The following LMNB2 variants were observed in gnomAD, a reference collection of about 807,000 sequenced individuals.
LMNB2 encodes the protein lamin B2.
LMNB2 carries 17 observed loss-of-function variants against 69.3 expected under a neutral mutation model. The ratio of observed to expected loss-of-function variants is 0.25; its 90% CI spans 0.17 to 0.37. The LOEUF (loss-of-function observed/expected upper bound fraction) is 0.37, where lower values mean the gene tolerates loss of function less well. Among genes scored for constraint, LMNB2 ranks in the 10% least tolerant of loss-of-function variants. The pLI is 1.00. For synonymous variants in LMNB2, 397 were observed against 389.3 expected (o/e 1.02, Z -0.23); for missense variants, 789 against 883.6 (o/e 0.89, Z 1.36).
chr19:2,444,741 C>T lies in LMNB2; in HGVS notation c.265-201G>A, dbSNP rs1039246850. ...AGGGAGCCCCCTGTCGGGGAGGGTC[C>T]GGTAACCAGGAGGAAGCCAGGCGAC... On this transcript the variant is annotated intron_variant, in intron 1 of 11. Transcript: ENST00000325327. 3.3e-5 allele frequency among the ~76,000 whole-genome samples: 5 copies of T among 152,210 alleles called. No individual in the cohort carries two copies. In the South Asian group the frequency reaches 6.2e-4, roughly 19 times the overall value.
At chr19:2,450,286 G>A (rs1226933216) in intron 1 of LMNB2, among the ~76,000 whole-genome samples, 8 of 152,092 alleles carry the variant, frequency 5.3e-5, no homozygotes, top group Non-Finnish European at 1.2e-4. Flanking sequence ...GAAACTATCA[G>A]CCTGGAGGAG....
rs370820384 is a variant in LMNB2, at chr19:2,444,458, C to T, written c.347G>A (p.Arg116Gln). The change falls in exon 2 of 12, where the codon CGG (arginine) becomes CAG (glutamine). Residue 116 changes from arginine (R) to glutamine (Q), a missense_variant. Coordinates refer to ENST00000325327, the MANE Select transcript of LMNB2 (RefSeq NM_032737.4). ...CAGCTTCCCAATCTCTATCTGCAGC[C>T]GGGCACGCTCTCGAGCCGTCTCATC... The part of the protein sequence containing the change: ...VLDETARERA[R>Q]LQIEIGKLRA... 22 of 1,613,598 alleles carry T rather than the reference C, an allele frequency of 1.4e-5. No individual in the cohort carries two copies. The highest frequency in any genetic ancestry group is 2.2e-5 in the East Asian group (1 of 44,888).
Position 2,434,098 on chromosome 19 carries a change from GCTTCAGC to G in LMNB2, c.1203_1209del (p.Arg401SerfsTer172). On this transcript the variant is annotated frameshift_variant and splice_region_variant, in exon 8 of 12. Coordinates refer to ENST00000325327, the MANE Select transcript of LMNB2 (RefSeq NM_032737.4). LOFTEE classifies it high-confidence loss of function. ...ACGCGCGAGGATGGGCTGGGGGACA[GCTTCAGC>G]CTGTGGGGAAGGCAAGGAAGGTGGG... The G allele has an allele frequency of 6.3e-7, 1 of 1,585,178 alleles. No individual in the cohort carries two copies.
chr19:2,444,592 A>C (rs559807509), intron 1 of LMNB2, 52 bp from the exon 2 acceptor site: 2 of 1,598,410 alleles, frequency 1.3e-6, no homozygotes, highest in Admixed American at 1.7e-5. Context: ...CCCTTGGACT[A>C]CAGCAGTCAG....
intron 1 of LMNB2, among the ~76,000 whole-genome samples, chr19:2,451,038 C>T (rs562492395): frequency 4.6e-5 from 7 of 152,066 alleles, no homozygotes; most frequent in South Asian, 2.1e-4. Context: ...GTCAGGAGTT[C>T]GAGACCAGCC....
At chr19:2,434,675 C>T (rs1006306253) in intron 6 of LMNB2, 113 bp downstream of exon 6, 3 of 1,509,608 alleles carry the variant, frequency 2.0e-6, no homozygotes, top group Non-Finnish European at 2.7e-6. Flanking sequence ...TCGCTGGGCG[C>T]CCCGAGGGCT....
At chr19:2,435,817 C>CA (rs56781086) in intron 4 of LMNB2, among the ~76,000 whole-genome samples, 13,803 of 132,060 alleles carry the variant, frequency 0.1, 887 homozygotes, top group East Asian at 0.39. Context: ...GACTGCGTCT[C>CA]AAAAAAAAAA....
At chr19:2,452,896 C>CGTCATCCTCGTGGGGGATGG (rs1048226763) in intron 1 of LMNB2, among the ~76,000 whole-genome samples, 1 of 148,174 alleles carries the variant, frequency 6.7e-6, no homozygotes, top group Non-Finnish European at 1.5e-5. Flanking sequence ...ATGGAGGCTG[C>CGTCATCCTCGTGGGGGATGG]GTCATCCTCG....
chr19:2,449,605 C>A (rs1453451868), intron 1 of LMNB2, among the ~76,000 whole-genome samples: 1 of 151,740 alleles, frequency 6.6e-6, no homozygotes, highest in Non-Finnish European at 1.5e-5. Flanking sequence ...CATGGTGAAA[C>A]CCTGTCTCTA....
chr19:2,436,069 G>T (rs1435050372), intron 4 of LMNB2, among the ~76,000 whole-genome samples: 1 of 152,114 alleles, frequency 6.6e-6, no homozygotes. Flanking sequence ...TGGATCATGA[G>T]GTCAGAAGTT....
chr19:2,444,139 CCT>C (rs1453340370), intron 2 of LMNB2, among the ~76,000 whole-genome samples: 9 of 152,320 alleles, frequency 5.9e-5, no homozygotes, highest in African/African-American at 1.4e-4. Context: ...ACCAGGAAGC[CCT>C]CTCTGGGGAG....
At chr19:2,454,193 G>C (rs980628424) in intron 1 of LMNB2, among the ~76,000 whole-genome samples, 2 of 151,644 alleles carry the variant, frequency 1.3e-5, no homozygotes, top group African/African-American at 4.9e-5. Context: ...CTCGGGAGAC[G>C]GGGGCAGGAG....
chr19:2,451,552 G>A (rs976487358), intron 1 of LMNB2, among the ~76,000 whole-genome samples: 1 of 152,224 alleles, frequency 6.6e-6, no homozygotes, highest in African/African-American at 2.4e-5. Context: ...CGGGTGTGCC[G>A]GGGCAGGACG....
intron 6 of LMNB2, 51 bp downstream of exon 6, chr19:2,434,737 G>T: frequency 6.4e-7 from 1 of 1,570,872 alleles, no homozygotes. Context: ...CCAGGGCAGG[G>T]CCCAGAAGTT....
At chr19:2,440,551 CCATCCATCCATCCACCCAT>C (rs946288122) in intron 2 of LMNB2, among the ~76,000 whole-genome samples, 2 of 152,054 alleles carry the variant, frequency 1.3e-5, no homozygotes, top group African/African-American at 4.8e-5. Flanking sequence ...TACCCATCAT[CCATCCATCCATCCACCCAT>C]CATCCATCCA....
In LMNB2 at chr19:2,431,592, C is replaced by G. The variant is rs375038177; in HGVS notation, c.1777G>C (p.Glu593Gln). The G allele has an allele frequency of 5.0e-6, 8 of 1,614,048 alleles. No homozygotes were observed. Among genetic ancestry groups the G allele is most frequent in the Non-Finnish European group, 6.8e-6 (8 of 1,179,996 alleles). ...MRENENGEEE[E>Q]EEAEFGEEDL... The stretch of plus-strand genomic sequence containing the variant: ...TCCTCGCCAAACTCGGCTTCCTCCT[C>G]CTCTTCCTCCCCATTCTCATTCTCA... Residue 593 changes from glutamate (E) to glutamine (Q), a missense_variant, in exon 11 of 12, where the codon GAG becomes CAG. Physicochemically the swap from Glu to Gln is conservative, Grantham distance 29 (BLOSUM62 2). Transcript: ENST00000325327.
Position 2,434,858 on chromosome 19 carries a change from C to T in LMNB2, c.911G>A (p.Arg304His), listed in dbSNP as rs567796688. The change falls in exon 6 of 12, where the codon CGC becomes CAC. Residue 304 changes from arginine (R) to histidine (H), a missense_variant. Transcript: ENST00000325327. The part of the protein sequence containing the change: ...DQNDKAASAA[R>H]EELKEARMRL... ...CATGCGGGCCTCCTTCAGCTCCTCG[C>T]GAGCCGCACTGGCCGCCTTGTCGTT... 55 of 1,607,604 alleles carry T rather than the reference C, an allele frequency of 3.4e-5. No homozygotes were observed. The highest frequency in any genetic ancestry group is 5.3e-5 in the African/African-American group (4 of 74,900).
At chr19:2,452,262 C>T (rs147323703) in intron 1 of LMNB2, among the ~76,000 whole-genome samples, 248 of 152,218 alleles carry the variant, frequency 1.6e-3, no homozygotes, top group Admixed American at 3.1e-3. Context: ...TGAACTCCTG[C>T]GGGCAGGAAA....
intron 1 of LMNB2, among the ~76,000 whole-genome samples, chr19:2,448,994 TCCTCCTGTCTC>T (rs1971989855): frequency 6.6e-6 from 1 of 152,112 alleles, no homozygotes; most frequent in Non-Finnish European, 1.5e-5. Flanking sequence ...GCTCAAGCAA[TCCTCCTGTCTC>T]AGCTGCCCCA....
Sources: gnomAD v4.1 joint callset for allele counts (sites outside exome capture counted in the v4.1 genomes callset) on GRCh38, gnomAD v4.1.1 for gene constraint, MANE v1.5 for transcripts, NCBI Gene and HGNC (gene_info 2026-07-23, HGNC 2026-07-21) for gene names.